Variants in SIGIRR observed in about 807,000 individuals in gnomAD.
SIGIRR encodes single Ig IL-1-related receptor.
In SIGIRR, 41 loss-of-function variants were observed where a neutral mutation model predicts 45.6. The observed-to-expected ratio is 0.90, with a 90% CI of 0.70 to 1.17. The LOEUF (loss-of-function observed/expected upper bound fraction) is 1.17. Ranked by LOEUF, SIGIRR falls within the 50% of genes most tolerant of loss-of-function variation. The pLI, the probability that SIGIRR is intolerant of heterozygous loss-of-function variation, is 0.00. For synonymous variants in SIGIRR, 298 were observed against 239.0 expected (o/e 1.25, Z -2.28); for missense variants, 599 against 539.6 (o/e 1.11, Z -1.09).
chr11:406,085 G>C, intron 9 of SIGIRR, 26 bp from the exon 10 acceptor site: 1 of 1,550,646 alleles, frequency 6.4e-7, no homozygotes, highest in Non-Finnish European at 8.7e-7. Context: ...CGAGACGCCT[G>C]AGGTGGCCAC....
intron 1 of SIGIRR, among the ~76,000 whole-genome samples, chr11:410,783 G>C (rs1165738521): frequency 4.2e-5 from 2 of 47,448 alleles, no homozygotes; most frequent in African/African-American, 9.2e-5. Flanking sequence ...ATACAGTCGG[G>C]GGGGGGTGCC....
intron 2 of SIGIRR, 48 bp downstream of exon 2, chr11:409,820 G>T: frequency 7.3e-7 from 1 of 1,364,952 alleles, no homozygotes; most frequent in Non-Finnish European, 9.5e-7. Context: ...CTGAGGGGCA[G>T]GAGGTGGGAG....
rs557414638 is a variant in SIGIRR at position 406,059 on chromosome 11, C to G, written c.1070G>C (p.Gly357Ala). ...EVDPDPEGDL[G>A]VRGPVFGEPS... is the part of the protein sequence containing the mutation. ...CTCTCCAAAGACAGGCCCCCGGACA[C>G]CTGGGGTGGGGAGACCGAGACGCCT... Residue 357 changes from glycine (G) to alanine (A), a missense_variant and splice_region_variant, in exon 10 of 10, where the codon GGT becomes GCT. By Grantham distance (60) the Gly-to-Ala change is moderately conservative (BLOSUM62 0). Transcript: ENST00000431843. The G allele has an allele frequency of 4.4e-6, 7 of 1,574,236 alleles. No homozygotes were observed. Among genetic ancestry groups the G allele is most frequent in the African/African-American group, 1.4e-5 (1 of 73,920 alleles).
chr11:410,085 G>A, intron 1 of SIGIRR, 58 bp from the exon 2 acceptor site: 5 of 1,230,088 alleles, frequency 4.1e-6, no homozygotes, highest in East Asian at 3.2e-5. Context: ...ACCAGTAACT[G>A]CCGGCCACAG....
chr11:409,894 C>T lies in SIGIRR; in HGVS notation c.-20G>A. ...TGGCATGGCTCTGAGCCGGGGCCTC[C>T]TCGGGGCAGGCTGGGCTCCAGGGTC... is the stretch of plus-strand genomic sequence containing the variant. On this transcript the variant is annotated 5_prime_UTR_variant, in exon 2 of 10. Coordinates refer to ENST00000431843, the MANE Select transcript of SIGIRR (RefSeq NM_001135054.2). 2 of 1,316,300 alleles carry T rather than the reference C, an allele frequency of 1.5e-6. No homozygotes were observed. Among genetic ancestry groups the T allele is most frequent in the African/African-American group, 1.5e-5 (1 of 65,662 alleles). 81.5% of individuals were successfully genotyped at this position (1,316,300 alleles called of 1,614,324 possible). A position where few individuals can be genotyped will look rare whatever the true frequency, so the allele number is the denominator to read the frequency against.
Position 405,975 on chromosome 11 carries a change from ACTTCGCT to A in SIGIRR, c.1147_1153del (p.Ser383TrpfsTer81). 1 of 1,612,392 alleles carries A rather than the reference ACTTCGCT, an allele frequency of 6.2e-7. No homozygotes were observed. The highest frequency in any genetic ancestry group is 8.5e-7 in the Non-Finnish European group (1 of 1,179,784). On this transcript the variant is annotated frameshift_variant, in exon 10 of 10. Coordinates refer to ENST00000431843, the MANE Select transcript of SIGIRR (RefSeq NM_001135054.2). LOFTEE classifies it high-confidence loss of function. The stretch of plus-strand genomic sequence containing the variant: ...TCGCGAGCCGAGATCCGAGACGTCC[ACTTCGCT>A]GCTCCGGCTCTCTCCCAGCGAGACC...
rs984023080 is a variant in SIGIRR, at chr11:407,115, G to A, written c.675C>T (p.Ile225=). 1.5e-5 allele frequency: 23 copies of A among 1,544,368 alleles called. No individual in the cohort carries two copies. Among genetic ancestry groups the A allele is most frequent in the Admixed American group, 9.4e-5 (5 of 52,930 alleles). The part of the protein sequence containing the change: ...LVNLSRCRRL[I]VVLSDAFLSR... ...TCAGGAAGGCGTCCGAAAGCACCACGATGAGGCGTCGGCAGCGGCTCAGGT... is the reference window on the plus strand; with the variant it reads ...TCAGGAAGGCGTCCGAAAGCACCACAATGAGGCGTCGGCAGCGGCTCAGGT... Residue 225 remains isoleucine, a synonymous_variant, in exon 7 of 10, where the codon ATC becomes ATT. Coordinates refer to ENST00000431843, the MANE Select transcript of SIGIRR (RefSeq NM_001135054.2).
intron 1 of SIGIRR, among the ~76,000 whole-genome samples, chr11:413,208 G>C (rs967773584): frequency 3.9e-5 from 6 of 152,116 alleles, no homozygotes; most frequent in African/African-American, 1.2e-4. Flanking sequence ...AGTCCTCTTA[G>C]CCTGCCACCT....
At chr11:412,760 TAC>T (rs1289695483) in intron 1 of SIGIRR, among the ~76,000 whole-genome samples, 2 of 151,272 alleles carry the variant, frequency 1.3e-5, no homozygotes, top group Non-Finnish European at 3.0e-5. Flanking sequence ...CACGTCTGGT[TAC>T]AGTCAGGAGT....
upstream of SIGIRR, among the ~76,000 whole-genome samples, chr11:416,902 G>C (rs1205498913): frequency 6.6e-6 from 1 of 152,106 alleles, no homozygotes; most frequent in African/African-American, 2.4e-5. This position sits in a 1 kb window ranked among gnomAD's most constrained non-coding sequence, Gnocchi z 9.1. Context: ...AGCTCCACCC[G>C]GCGCCGGGCG....
chr11:406,697 C>T (rs556082012), intron 8 of SIGIRR, 146 bp downstream of exon 8: 29 of 1,409,742 alleles, frequency 2.1e-5, no homozygotes, highest in Middle Eastern at 5.2e-4. Context: ...CGCATCGGGG[C>T]CCCAGGCAGC....
Position 407,953 on chromosome 11 carries a change from A to T in SIGIRR, c.345T>A (p.Pro115=). ...FSSFTLQRAG[P]TSHVAAVLAS... Reference sequence around the variant, plus strand: ...CCAGCACCGCAGCCACGTGGCTTGTAGGGCCTGCGGATGGGTTGCCTGAGC... The same window carrying T: ...CCAGCACCGCAGCCACGTGGCTTGTTGGGCCTGCGGATGGGTTGCCTGAGC... The change falls in exon 5 of 10, where the codon CCT becomes CCA. Residue 115 remains proline, a synonymous_variant. Transcript: ENST00000431843. 1 of 1,607,154 alleles carries T rather than the reference A, an allele frequency of 6.2e-7. No homozygotes were observed.
Position 407,067 on chromosome 11 carries a change from G to C in SIGIRR, c.723C>G (p.Ser241Arg). 6.3e-7 allele frequency: 1 copy of C among 1,579,536 alleles called. No homozygotes were observed. Among genetic ancestry groups the C allele is most frequent in the Non-Finnish European group, 8.6e-7 (1 of 1,168,886 alleles). Residue 241 changes from serine to arginine, a missense_variant, in exon 7 of 10, where the codon AGC becomes AGG. Physicochemically the swap from Ser to Arg is moderately radical, Grantham distance 110 (BLOSUM62 -1). Transcript: ENST00000431843. ...AFLSRAWCSH[S>R]FREGLCRLLE... is the part of the protein sequence containing the mutation. ...CAACCCCGCGCGGGACCCACCGGAA[G>C]CTGTGGCTGCACCAGGCCCGGCTCA...
chr11:407,958 C>T lies in SIGIRR; in HGVS notation c.341-1G>A. 6.2e-7 allele frequency: 1 copy of T among 1,605,584 alleles called. No homozygotes were observed. The highest frequency in any genetic ancestry group is 8.5e-7 in the Non-Finnish European group (1 of 1,175,656). The stretch of plus-strand genomic sequence containing the variant: ...ACCGCAGCCACGTGGCTTGTAGGGC[C>T]TGCGGATGGGTTGCCTGAGCCGCTG... On this transcript the variant is annotated splice_acceptor_variant, in intron 4 of 9. Coordinates refer to ENST00000431843, the MANE Select transcript of SIGIRR (RefSeq NM_001135054.2). LOFTEE classifies it high-confidence loss of function.
Position 408,080 on chromosome 11 carries a change from C to G in SIGIRR, c.333G>C (p.Gln111His). 6.2e-7 allele frequency: 1 copy of G among 1,612,796 alleles called. No individual in the cohort carries two copies. Among genetic ancestry groups the G allele is most frequent in the Non-Finnish European group, 8.5e-7 (1 of 1,179,956 alleles). Residue 111 changes from glutamine (Q) to histidine (H), a missense_variant, in exon 4 of 10, where the codon CAG (glutamine) becomes CAC (histidine). Transcript: ENST00000431843. ...QNISFSSFTL[Q>H]RAGPTSHVAA... Reference sequence around the variant, plus strand: ...TTGGGGAACCCCCATCACCAGCTCTCTGAAGAGTGAAGGAGGAGAAGCTGA... The same window carrying G: ...TTGGGGAACCCCCATCACCAGCTCTGTGAAGAGTGAAGGAGGAGAAGCTGA...
At chr11:416,582 C>T (rs1170707113), upstream of SIGIRR, among the ~76,000 whole-genome samples, 1 of 152,204 alleles carries the variant, frequency 6.6e-6, no homozygotes, top group Non-Finnish European at 1.5e-5. The surrounding 1 kb of genome is among the most constrained non-coding windows in gnomAD (Gnocchi z 9.1). Flanking sequence ...CGGTCCGCGG[C>T]CGCCCCTGCC....
chr11:412,786 G>C (rs576824237), intron 1 of SIGIRR, among the ~76,000 whole-genome samples: 66 of 152,086 alleles, frequency 4.3e-4, no homozygotes, highest in African/African-American at 1.5e-3. Flanking sequence ...CGTGAGCACA[G>C]ACACCTCGAA....
chr11:406,327 G>A (rs371253036), intron 9 of SIGIRR, 22 bp downstream of exon 9: 12 of 1,610,092 alleles, frequency 7.5e-6, no homozygotes, highest in African/African-American at 4.0e-5. Context: ...TCCAGTTGGG[G>A]AGTGGGGCTG....
At position 407,618 on chromosome 11, in the gene SIGIRR, C is replaced by T. The variant is rs1847405109; in HGVS notation, c.482-50G>A. ...GATGGCTCCCGAGGCCTCACACCAG[C>T]CCTCGGGGTCCCCAACACCCCTAAC... On this transcript the variant is annotated intron_variant, in intron 5 of 9. Coordinates refer to ENST00000431843, the MANE Select transcript of SIGIRR (RefSeq NM_001135054.2). The T allele has an allele frequency of 3.8e-6, 6 of 1,587,874 alleles. No homozygotes were observed. The African/African-American group carries it at 4.0e-5, about 11-fold the overall frequency.
Sources: gnomAD v4.1 joint callset for allele counts (sites outside exome capture counted in the v4.1 genomes callset) on GRCh38, gnomAD v4.1.1 for gene constraint, Gnocchi (gnomAD v3.1) non-coding constraint, MANE v1.5 for transcripts, NCBI Gene and HGNC (gene_info 2026-07-23, HGNC 2026-07-21) for gene names.